ARHGEF2: variants seen among roughly 807,000 people sequenced by gnomAD.
The protein encoded by ARHGEF2 is rho guanine nucleotide exchange factor 2.
A neutral mutation model predicts 121.0 loss-of-function variants in ARHGEF2; 22 were observed. That is an observed-to-expected ratio of 0.18 (90% CI 0.13 to 0.26). The LOEUF (loss-of-function observed/expected upper bound fraction) is 0.26. ARHGEF2 is among the 10% of genes least tolerant of loss of function. The pLI is 1.00. For synonymous variants in ARHGEF2, 487 were observed against 530.0 expected (o/e 0.92, Z 1.11); for missense variants, 907 against 1,336.0 (o/e 0.68, Z 5.01).
chr1:155,948,713 A>G (rs1417776832), intron 21 of ARHGEF2, among the ~76,000 whole-genome samples: 2 of 152,100 alleles, frequency 1.3e-5, no homozygotes, highest in South Asian at 4.1e-4. Context: ...ACTTGGGAGG[A>G]TCACTTAAGC....
In ARHGEF2 at chr1:155,951,245, T is replaced by A; in HGVS notation, c.2287A>T (p.Met763Leu). The change falls in exon 20 of 22, where the codon ATG (methionine) becomes TTG (leucine). Residue 763 changes from methionine (M) to leucine (L), a missense_variant. Coordinates refer to ENST00000361247, the MANE Select transcript of ARHGEF2 (RefSeq NM_001162383.2). The surrounding 1 kb of genome is among the most constrained non-coding windows in gnomAD (Gnocchi z 5.1). ...QAAVAQQDTL[M>L]EARFPEGPER... ...GGGCCCTCAGGGAACCGGGCTTCCA[T>A]CAGAGTGTCCTGCTGGGCCACAGCT... is the stretch of plus-strand genomic sequence containing the variant. 1 of 1,609,458 alleles carries A rather than the reference T, an allele frequency of 6.2e-7. No homozygotes were observed. Among genetic ancestry groups the A allele is most frequent in the Non-Finnish European group, 8.5e-7 (1 of 1,177,456 alleles).
At chr1:155,949,800 C>T (rs1194745206) in intron 21 of ARHGEF2, among the ~76,000 whole-genome samples, 1 of 151,924 alleles carries the variant, frequency 6.6e-6, no homozygotes, top group Non-Finnish European at 1.5e-5. Context: ...TCGCTTGAAC[C>T]TGGAAGGCAG....
Position 155,951,473 on chromosome 1 carries a change from T to C in ARHGEF2, c.2259+10A>G. On this transcript the variant is annotated intron_variant, in intron 19 of 21. Coordinates refer to ENST00000361247, the MANE Select transcript of ARHGEF2 (RefSeq NM_001162383.2). The surrounding 1 kb of genome is among the most constrained non-coding windows in gnomAD (Gnocchi z 5.1). Reference sequence around the variant, plus strand: ...CTCCCCTTCCCCATTCAAGCCCTTGTCCTACTGACCTGTAGGCCATGTAGA... The same window carrying C: ...CTCCCCTTCCCCATTCAAGCCCTTGCCCTACTGACCTGTAGGCCATGTAGA... 1 of 1,614,152 alleles carries C rather than the reference T, an allele frequency of 6.2e-7. No individual in the cohort carries two copies.
Position 155,952,230 on chromosome 1 carries a change from C to T in ARHGEF2, c.1990G>A (p.Gly664Ser), listed in dbSNP as rs1336694729. The change falls in exon 16 of 22, where the codon GGT (glycine) becomes AGT (serine). Residue 664 changes from glycine (G) to serine (S), a missense_variant. This residue lies in a region of ARHGEF2 where 432 missense variants were observed against 559.5 expected (regional missense o/e 0.77). Coordinates refer to ENST00000361247, the MANE Select transcript of ARHGEF2 (RefSeq NM_001162383.2). ...GGCCCCACCAGCAGGTCTTTCAGAC[C>T]CTCCACTGTGGGGAAAGAGGAAGAG... ...LLQDAIREVE[G>S]LKDLLVGPGV... The T allele has an allele frequency of 1.2e-6, 2 of 1,614,058 alleles. No homozygotes were observed. The highest frequency in any genetic ancestry group is 1.3e-5 in the African/African-American group (1 of 75,054).
chr1:155,957,759 C>T lies in ARHGEF2; in HGVS notation c.1669G>A (p.Asp557Asn). The change falls in exon 13 of 22, where the codon GAT becomes AAT. Residue 557 changes from aspartate (D) to asparagine (N), a missense_variant. By Grantham distance (23) the Asp-to-Asn change is conservative. Around this residue, in one of 2 missense-constraint regions of ARHGEF2, gnomAD observed 475 missense variants for 776.5 expected, o/e 0.61. Transcript: ENST00000361247. ...ACCCGGATCCAGGTGCTCCGGTCAT[C>T]CCGGGATGCTGTGTGCACCTCGTAC... ...EMYEVHTASR[D>N]DRSTWIRVIQ... 2 of 1,614,114 alleles carry T rather than the reference C, an allele frequency of 1.2e-6. No individual in the cohort carries two copies. Among genetic ancestry groups the T allele is most frequent in the Non-Finnish European group, 1.7e-6 (2 of 1,179,996 alleles).
chr1:155,959,180 G>C lies in ARHGEF2; in HGVS notation c.1469-784C>G, dbSNP rs529112073. On this transcript the variant is annotated intron_variant, in intron 11 of 21. Coordinates refer to ENST00000361247, the MANE Select transcript of ARHGEF2 (RefSeq NM_001162383.2). ...GTGACAGGGTCCAAGATTTTTGTGA[G>C]ATTCATAAGGTTCCCCAGAGCAAGA... Among the ~76,000 whole-genome samples the C allele has an allele frequency of 1.4e-3, 213 of 152,150 alleles. 1 individual carries two copies. In the Middle Eastern group the frequency reaches 0.02, roughly 15 times the overall value.
intron 1 of ARHGEF2, among the ~76,000 whole-genome samples, chr1:155,971,894 A>ATATATATATATATAT (rs1393456061): frequency 6.6e-6 from 1 of 150,664 alleles, no homozygotes; most frequent in African/African-American, 2.4e-5. Context: ...AAAAAAAAAA[A>ATATATATATATATAT]ATATATACAT....
At chr1:155,948,475 C>A (rs1490565973) in intron 21 of ARHGEF2, among the ~76,000 whole-genome samples, 3 of 150,960 alleles carry the variant, frequency 2.0e-5, no homozygotes, top group South Asian at 2.1e-4. Flanking sequence ...ACTAAAAATG[C>A]CAAAAATTAG....
chr1:155,965,440 AC>A lies in ARHGEF2; in HGVS notation c.471-29del, dbSNP rs779003919. 6.2e-7 allele frequency: 1 copy of A among 1,608,754 alleles called. No homozygotes were observed. Among genetic ancestry groups the A allele is most frequent in the Non-Finnish European group, 8.5e-7 (1 of 1,175,364 alleles). On this transcript the variant is annotated intron_variant, in intron 5 of 21. Coordinates refer to ENST00000361247, the MANE Select transcript of ARHGEF2 (RefSeq NM_001162383.2). The surrounding 1 kb of genome is among the most constrained non-coding windows in gnomAD (Gnocchi z 6.0). The stretch of plus-strand genomic sequence containing the variant: ...GAAGAAAGTGGAGGCTGTCTGCATC[AC>A]CCCCAGTCGGGCAAAAGATCCCTTC...
chr1:155,979,573 A>T (rs1681934798), upstream of ARHGEF2, among the ~76,000 whole-genome samples: 1 of 152,194 alleles, frequency 6.6e-6, no homozygotes, highest in Non-Finnish European at 1.5e-5. Context: ...AAGCACAGAG[A>T]GGCCTGGGAC....
rs754458553 is a variant in ARHGEF2 at position 155,954,908 on chromosome 1, T to G, written c.1777A>C (p.Ile593Leu). The change falls in exon 14 of 22, where the codon ATT becomes CTT. Residue 593 changes from isoleucine (I) to leucine (L), a missense_variant. This residue lies in a region of ARHGEF2 where 432 missense variants were observed against 559.5 expected (regional missense o/e 0.77). Transcript: ENST00000361247. ...ETEDEAYLRR[I>L]KMELQQKDRA... ...TCCTTGTGGGTGGACTTACTCTTAA[T>G]TCGCCGCAGGTAAGCCTCATCCTCT... The G allele has an allele frequency of 1.9e-6, 3 of 1,611,390 alleles. No individual in the cohort carries two copies. The African/African-American group carries it at 4.0e-5, about 22-fold the overall frequency.
intron 1 of ARHGEF2, among the ~76,000 whole-genome samples, chr1:155,975,052 C>T (rs967449028): frequency 9.9e-5 from 15 of 151,400 alleles, no homozygotes; most frequent in Non-Finnish European, 1.2e-4. Context: ...AGCCTTTTCT[C>T]TTACCAGCTT....
At chr1:155,963,723 G>A (rs1442834982) in intron 7 of ARHGEF2, among the ~76,000 whole-genome samples, 1 of 151,644 alleles carries the variant, frequency 6.6e-6, no homozygotes, top group Admixed American at 6.6e-5. Flanking sequence ...CCAGGCTGGA[G>A]TGTAGTGGCA....
In ARHGEF2 at chr1:155,952,679, A is replaced by G. The variant is rs1243621973; in HGVS notation, c.1933T>C (p.Ser645Pro). The stretch of plus-strand genomic sequence containing the variant: ...CGCTCGCCACGAGGGGACTCAAGGG[A>G]CTCAGAGCGGAAAAGGCCCCTGGGC... Reference protein sequence around the residue: ...TLPRGLFRSESLESPRGERLL... With the variant: ...TLPRGLFRSEPLESPRGERLL... Residue 645 changes from serine (S) to proline (P), a missense_variant, in exon 15 of 22, where the codon TCC (serine) becomes CCC (proline). Physicochemically the swap from Ser to Pro is moderately conservative, Grantham distance 74. Coordinates refer to ENST00000361247, the MANE Select transcript of ARHGEF2 (RefSeq NM_001162383.2). 1 of 1,614,044 alleles carries G rather than the reference A, an allele frequency of 6.2e-7. No homozygotes were observed. The highest frequency in any genetic ancestry group is 8.5e-7 in the Non-Finnish European group (1 of 1,179,998).
Position 155,957,840 on chromosome 1 carries a change from C to CTCGTACGATTAGAT in ARHGEF2, c.1574_1587dup (p.Asp530IlefsTer2). The CTCGTACGATTAGAT allele has an allele frequency of 6.2e-7, 1 of 1,614,186 alleles. No homozygotes were observed. The highest frequency in any genetic ancestry group is 1.3e-5 in the African/African-American group (1 of 75,066). On this transcript the variant is annotated stop_gained and frameshift_variant, in exon 13 of 22. Coordinates refer to ENST00000361247, the MANE Select transcript of ARHGEF2 (RefSeq NM_001162383.2). LOFTEE classifies it high-confidence loss of function. ...ATCCCTTTCTCCTGGTTGGCAATGT[C>CTCGTACGATTAGAT]TCGTACGATTAGATTCTGCAGCGAT...
At position 155,964,189 on chromosome 1, in the gene ARHGEF2, TATATATATAC is replaced by T. The variant is rs1288689180; in HGVS notation, c.724+789_724+798del. On this transcript the variant is annotated intron_variant, in intron 7 of 21. Coordinates refer to ENST00000361247, the MANE Select transcript of ARHGEF2 (RefSeq NM_001162383.2). ...AAAAATATATATATATATATATATA[TATATATATAC>T]ATATATATATATATATATTTTTTTT... is the stretch of plus-strand genomic sequence containing the variant. Among the ~76,000 whole-genome samples the T allele has an allele frequency of 3.1e-3, 387 of 125,510 alleles. 22 individuals carry two copies. In the East Asian group the frequency reaches 0.072, roughly 23 times the overall value. The allele number at this position is 125,510 out of a possible 152,430, so 82.3% of individuals were successfully genotyped here. A position where few individuals can be genotyped will look rare whatever the true frequency, so the allele number is the denominator to read the frequency against.
chr1:155,951,113 G>C lies in ARHGEF2; in HGVS notation c.2419C>G (p.Leu807Val). The change falls in exon 20 of 22, where the codon CTG becomes GTG. Residue 807 changes from leucine (L) to valine (V), a missense_variant. By Grantham distance (32) the Leu-to-Val change is conservative. Coordinates refer to ENST00000361247, the MANE Select transcript of ARHGEF2 (RefSeq NM_001162383.2). This position sits in a 1 kb window ranked among gnomAD's most constrained non-coding sequence, Gnocchi z 5.1. ...PEKQATELAL[L>V]QRQHALLQEE... is the part of the protein sequence containing the mutation. The stretch of plus-strand genomic sequence containing the variant: ...TGCAGCAGCGCATGTTGCCGCTGCA[G>C]TAATGCCAGTTCCGTGGCCTGCTTT... 1 of 1,604,070 alleles carries C rather than the reference G, an allele frequency of 6.2e-7. No homozygotes were observed. The highest frequency in any genetic ancestry group is 8.5e-7 in the Non-Finnish European group (1 of 1,176,968).
intron 1 of ARHGEF2, chr1:155,969,724 C>T (rs746991092): frequency 7.0e-6 from 7 of 1,000,732 alleles, no homozygotes; most frequent in South Asian, 8.8e-5. Context: ...AGCTCACCAG[C>T]GCTTTCCAAT....
chr1:155,970,988 T>C, intron 1 of ARHGEF2: 4 of 986,250 alleles, frequency 4.1e-6, no homozygotes, highest in Non-Finnish European at 4.8e-6. Context: ...TCCCTTCTCT[T>C]CTCAGGGTCT....
Sources: allele counts gnomAD v4.1 joint callset (sites outside exome capture counted in the v4.1 genomes callset), GRCh38; gene constraint gnomAD v4.1.1; regional missense constraint gnomAD v4.1.1; non-coding constraint Gnocchi (gnomAD v3.1); transcripts MANE v1.5; gene names NCBI Gene and HGNC (gene_info 2026-07-23, HGNC 2026-07-21).